The following SMTNL2 variants were observed in gnomAD, a reference collection of about 807,000 sequenced individuals.
The protein encoded by SMTNL2 is smoothelin like 2.
Under a neutral mutation model 44.1 loss-of-function variants are expected in SMTNL2, and 43 were observed. That is an observed-to-expected ratio of 0.98 (90% confidence interval 0.76 to 1.26). The LOEUF (loss-of-function observed/expected upper bound fraction) is 1.26, where lower values mean the gene tolerates loss of function less well. Among genes scored for constraint, SMTNL2 ranks in the 50% most tolerant of loss-of-function variants. The probability of loss-of-function intolerance (pLI) is 0.00; values close to 1 mark genes in which losing one functional copy is unlikely to be tolerated. For missense variants in SMTNL2, 646 were observed against 670.2 expected (o/e 0.96, Z 0.40); for synonymous variants, 317 against 287.6 (o/e 1.10, Z -1.03).
At chr17:4,586,689 G>T (rs1172230293) in intron 1 of SMTNL2, among the ~76,000 whole-genome samples, 1 of 152,204 alleles carries the variant, frequency 6.6e-6, no homozygotes, top group Non-Finnish European at 1.5e-5. Context: ...GTGGATGGAA[G>T]GTGGAGGGTG....
intron 7 of SMTNL2, among the ~76,000 whole-genome samples, chr17:4,601,516 T>C (rs1056736828): frequency 7.1e-6 from 1 of 139,938 alleles, no homozygotes; most frequent in African/African-American, 3.0e-5. Flanking sequence ...GTTTGAATGA[T>C]TGATTGATTG....
chr17:4,600,648 G>A lies in SMTNL2; in HGVS notation c.1259+3325G>A, dbSNP rs540992869. On this transcript the variant is annotated intron_variant, in intron 7 of 7. Coordinates refer to ENST00000389313, the MANE Select transcript of SMTNL2 (RefSeq NM_001114974.2). This position sits in a 1 kb window ranked among gnomAD's most constrained non-coding sequence, Gnocchi z 4.7. ...AATGATGCAGTGTTGACAGCACAGCGAGCTTCCCTTGCCTGACAGGTGTTC... is the reference window on the plus strand; with the variant it reads ...AATGATGCAGTGTTGACAGCACAGCAAGCTTCCCTTGCCTGACAGGTGTTC... Among the ~76,000 whole-genome samples the A allele has an allele frequency of 6.6e-6, 1 of 152,130 alleles. No individual in the cohort carries two copies. The highest frequency in any genetic ancestry group is 1.9e-4 in the East Asian group (1 of 5,190).
intron 7 of SMTNL2, among the ~76,000 whole-genome samples, chr17:4,599,224 T>C (rs746909079): frequency 6.6e-6 from 1 of 152,198 alleles, no homozygotes; most frequent in Non-Finnish European, 1.5e-5. Flanking sequence ...TTGTATACTT[T>C]AAAAGCCTTT....
intron 7 of SMTNL2, among the ~76,000 whole-genome samples, chr17:4,599,031 T>C (rs1399088550): frequency 1.3e-5 from 2 of 152,172 alleles, no homozygotes; most frequent in East Asian, 3.9e-4. Flanking sequence ...GCACTTGGTA[T>C]TGTAAGTCTC....
At chr17:4,599,486 A>C (rs1597415991) in intron 7 of SMTNL2, among the ~76,000 whole-genome samples, 1 of 151,890 alleles carries the variant, frequency 6.6e-6, no homozygotes, top group South Asian at 2.1e-4. Context: ...CGGCAAGGTC[A>C]CTCCAGCACC....
At chr17:4,591,044 C>T (rs1489861222) in intron 1 of SMTNL2, among the ~76,000 whole-genome samples, 1 of 152,216 alleles carries the variant, frequency 6.6e-6, no homozygotes, top group African/African-American at 2.4e-5. Flanking sequence ...GCTCCTCCAC[C>T]GGGCTCACTC....
upstream of SMTNL2, among the ~76,000 whole-genome samples, chr17:4,584,375 G>A (rs913755901): frequency 6.6e-6 from 1 of 152,188 alleles, no homozygotes; most frequent in Non-Finnish European, 1.5e-5. Context: ...AAGAGCCGGG[G>A]AGGGGAGAGG....
rs1909265898 is a variant in SMTNL2 at position 4,584,648 on chromosome 17, G to T, written c.43G>T (p.Glu15Ter). The change falls in exon 1 of 8, where the codon GAG becomes TAG. Residue 15 changes from glutamate (E) to a stop codon, truncating the protein, a stop_gained. Coordinates refer to ENST00000389313, the MANE Select transcript of SMTNL2 (RefSeq NM_001114974.2). LOFTEE classifies it high-confidence loss of function. ...PDAQEARTVREALGRYEAALE... is the reference protein window; with the variant it reads ...PDAQEARTVR ...CGCCCAGGAGGCGCGCACTGTGCGCGAGGCGCTGGGCCGCTACGAGGCGGC... is the reference window on the plus strand; with the variant it reads ...CGCCCAGGAGGCGCGCACTGTGCGCTAGGCGCTGGGCCGCTACGAGGCGGC... 3 of 1,266,826 alleles carry T rather than the reference G, an allele frequency of 2.4e-6. No individual in the cohort carries two copies. The highest frequency in any genetic ancestry group is 3.0e-6 in the Non-Finnish European group (3 of 1,008,634). 78.5% of individuals were successfully genotyped at this position (1,266,826 alleles called of 1,614,324 possible).
chr17:4,601,467 G>A (rs920288638), intron 7 of SMTNL2, among the ~76,000 whole-genome samples: 2 of 152,060 alleles, frequency 1.3e-5, no homozygotes, highest in African/African-American at 2.4e-5. Context: ...CTATGGAATG[G>A]CATTTAAAGT....
At chr17:4,601,329 C>T (rs1031007096) in intron 7 of SMTNL2, among the ~76,000 whole-genome samples, 2 of 151,756 alleles carry the variant, frequency 1.3e-5, no homozygotes, top group Non-Finnish European at 2.9e-5. Flanking sequence ...GTGGGAGGAT[C>T]GTTTGAGCCC....
chr17:4,606,988 G>A lies in SMTNL2; in HGVS notation c.1260-373G>A, dbSNP rs1910305399. Among the ~76,000 whole-genome samples, 3 of 152,294 alleles carry A rather than the reference G, an allele frequency of 2.0e-5. No homozygotes were observed. The South Asian group carries it at 6.2e-4, about 32-fold the overall frequency. On this transcript the variant is annotated intron_variant, in intron 7 of 7. Transcript: ENST00000389313. Reference sequence around the variant, plus strand: ...GAATCACAGCTACTTGGGAAGACAAGGCGTGAGGATCACTTGGGCCTAGGA... The same window carrying A: ...GAATCACAGCTACTTGGGAAGACAAAGCGTGAGGATCACTTGGGCCTAGGA...
At position 4,607,656 on chromosome 17, in the gene SMTNL2, A is replaced by G. The variant is rs1910335604; in HGVS notation, c.*169A>G. ...TTCGAGCCCAGCTGTGTTACTGATT[A>G]AAAGTACTGCTGAGCTGTGGTCCGA... is the stretch of plus-strand genomic sequence containing the variant. On this transcript the variant is annotated 3_prime_UTR_variant, in exon 8 of 8. Transcript: ENST00000389313. The surrounding 1 kb of genome is among the most constrained non-coding windows in gnomAD (Gnocchi z 4.7). 1.8e-6 allele frequency: 2 copies of G among 1,113,386 alleles called. No individual in the cohort carries two copies. The highest frequency in any genetic ancestry group is 2.6e-5 in the East Asian group (1 of 38,644). The allele number at this position is 1,113,386 out of a possible 1,614,324, so 69.0% of individuals were successfully genotyped here. A position where few individuals can be genotyped will look rare whatever the true frequency, so the allele number is the denominator to read the frequency against.
rs931720215 is a variant in SMTNL2 at position 4,585,020 on chromosome 17, C to A, written c.399+16C>A. 25 of 1,310,058 alleles carry A rather than the reference C, an allele frequency of 1.9e-5. No homozygotes were observed. The highest frequency in any genetic ancestry group is 2.3e-5 in the Non-Finnish European group (24 of 1,032,698). 81.2% of individuals were successfully genotyped at this position (1,310,058 alleles called of 1,614,324 possible). ...CCGCGGCCAGGTGAGCCCGGGGGAG[C>A]GCGTGCGCTGGCGCCAGGGAGTGGG... On this transcript the variant is annotated intron_variant, in intron 1 of 7. Coordinates refer to ENST00000389313, the MANE Select transcript of SMTNL2 (RefSeq NM_001114974.2).
Position 4,585,013 on chromosome 17 carries a change from G to C in SMTNL2, c.399+9G>C. On this transcript the variant is annotated intron_variant, in intron 1 of 7. Transcript: ENST00000389313. ...TGTCCGGCCGCGGCCAGGTGAGCCC[G>C]GGGGAGCGCGTGCGCTGGCGCCAGG... 2 of 1,319,628 alleles carry C rather than the reference G, an allele frequency of 1.5e-6. No individual in the cohort carries two copies. Among genetic ancestry groups the C allele is most frequent in the Middle Eastern group, 2.9e-4 (1 of 3,488 alleles). 81.7% of individuals were successfully genotyped at this position (1,319,628 alleles called of 1,614,324 possible).
intron 1 of SMTNL2, among the ~76,000 whole-genome samples, chr17:4,589,997 C>T (rs190125714): frequency 0.015 from 1,705 of 111,812 alleles, 81 homozygotes; most frequent in African/African-American, 0.057. Context: ...GACAGAGTCT[C>T]GCTCTGTTGC....
In SMTNL2 at chr17:4,596,955, G is replaced by T; in HGVS notation, c.1085G>T (p.Arg362Leu). ...SIKQILLEWC[R>L]SKTLGYQHVD... ...AAGCAGATCCTGCTCGAGTGGTGCC[G>T]CAGCAAGACGCTGGGCTACCAGGTG... Residue 362 changes from arginine to leucine, a missense_variant, in exon 6 of 8, where the codon CGC becomes CTC. By Grantham distance (102) the Arg-to-Leu change is moderately radical. Coordinates refer to ENST00000389313, the MANE Select transcript of SMTNL2 (RefSeq NM_001114974.2). The T allele has an allele frequency of 6.6e-7, 1 of 1,518,544 alleles. No homozygotes were observed. The highest frequency in any genetic ancestry group is 8.9e-7 in the Non-Finnish European group (1 of 1,126,482). The allele number at this position is 1,518,544 out of a possible 1,614,324, so 94.1% of individuals were successfully genotyped here.
At chr17:4,597,062 G>A (rs1909848925) in intron 6 of SMTNL2, 85 bp downstream of exon 6, 1 of 1,501,048 alleles carries the variant, frequency 6.7e-7, no homozygotes, top group Admixed American at 2.2e-5. Context: ...TCTCCCGCCT[G>A]GGCAGGAGCC....
rs774474332 is a variant in SMTNL2, at chr17:4,599,369, T to C, written c.1259+2046T>C. 3.2e-4 allele frequency among the ~76,000 whole-genome samples: 49 copies of C among 152,080 alleles called. 1 individual carries two copies. The highest frequency in any genetic ancestry group is 6.2e-4 in the Non-Finnish European group (42 of 68,010). On this transcript the variant is annotated intron_variant, in intron 7 of 7. Coordinates refer to ENST00000389313, the MANE Select transcript of SMTNL2 (RefSeq NM_001114974.2). ...GGTGGTGCAGGGAGCGGGCAGCTCA[T>C]GAGGATGGGGCCCAGCTGCCGAAGC...
intron 7 of SMTNL2, among the ~76,000 whole-genome samples, chr17:4,603,020 C>G (rs1182644641): frequency 1.3e-5 from 2 of 152,326 alleles, no homozygotes; most frequent in African/African-American, 2.4e-5. Flanking sequence ...GAGGATGACA[C>G]AGGGCATGGC....
Sources: allele counts gnomAD v4.1 joint callset (sites outside exome capture counted in the v4.1 genomes callset), GRCh38; gene constraint gnomAD v4.1.1; non-coding constraint Gnocchi (gnomAD v3.1); transcripts MANE v1.5; gene names NCBI Gene and HGNC (gene_info 2026-07-23, HGNC 2026-07-21).